TRIO: variants seen among roughly 807,000 people sequenced by gnomAD.
TRIO encodes the protein triple functional domain protein.
A neutral mutation model predicts 351.9 loss-of-function variants in TRIO; 58 were observed. The observed-to-expected ratio is 0.16, with a 90% confidence interval of 0.13 to 0.21. The LOEUF (loss-of-function observed/expected upper bound fraction) is 0.21. TRIO is among the 10% of genes least tolerant of loss of function. The pLI is 1.00. For missense variants in TRIO, 3,201 were observed against 4,027.8 expected (o/e 0.79, Z 5.56); for synonymous variants, 1,758 against 1,595.7 (o/e 1.10, Z -2.42).
chr5:14,420,309 G>T, intron 34 of TRIO: 1 of 374,916 alleles, frequency 2.7e-6, no homozygotes. Context: ...CATTCCAGTT[G>T]CTTCCTTCCT....
chr5:14,328,464 G>C (rs143493248), intron 9 of TRIO, among the ~76,000 whole-genome samples: 4 of 151,894 alleles, frequency 2.6e-5, no homozygotes, highest in African/African-American at 4.8e-5. Context: ...TGCTCAATAC[G>C]TGAGTTAAAA....
At chr5:14,329,708 T>A (rs144839431) in intron 9 of TRIO, among the ~76,000 whole-genome samples, 1 of 152,342 alleles carries the variant, frequency 6.6e-6, no homozygotes, top group African/African-American at 2.4e-5. Context: ...TTAAAATCTT[T>A]TAAAGTTTTT....
intron 3 of TRIO, among the ~76,000 whole-genome samples, chr5:14,281,454 C>T (rs2152277469): frequency 7.7e-6 from 1 of 130,696 alleles, no homozygotes; most frequent in East Asian, 2.6e-4. Flanking sequence ...GATCCAATTA[C>T]CACCCACCAG....
intron 56 of TRIO, 25 bp downstream of exon 56, chr5:14,507,285 A>C: frequency 1.9e-6 from 3 of 1,609,924 alleles, no homozygotes; most frequent in Non-Finnish European, 2.5e-6. Context: ...GGGCAGGTGA[A>C]GGGGGGTCTG....
intron 1 of TRIO, among the ~76,000 whole-genome samples, chr5:14,150,451 A>G (rs1787762606): frequency 6.6e-6 from 1 of 152,174 alleles, no homozygotes; most frequent in Admixed American, 6.5e-5. Flanking sequence ...GTTTAACTGT[A>G]TATGTTATTT....
In TRIO at chr5:14,498,144, C is replaced by A. The variant is rs779442534; in HGVS notation, c.8103C>A (p.Thr2701=). ...AGGTCACGTGTGAGACAGGGGAGAC[C>A]GTTGTTCTTAGATGTCGAGTCTGTG... ...LSEVTCETGE[T]VVLRCRVCGR... Residue 2701 remains threonine, a synonymous_variant, in exon 52 of 57, where the codon ACC becomes ACA. Transcript: ENST00000344204. The A allele has an allele frequency of 3.1e-6, 5 of 1,614,026 alleles. No individual in the cohort carries two copies. The East Asian group carries it at 8.9e-5, about 29-fold the overall frequency.
chr5:14,227,272 C>T (rs529241229), intron 1 of TRIO, among the ~76,000 whole-genome samples: 1 of 152,272 alleles, frequency 6.6e-6, no homozygotes, highest in East Asian at 1.9e-4. Flanking sequence ...AAGGCCACCA[C>T]TTGGAAGGTT....
chr5:14,416,852 A>G (rs779956362), intron 33 of TRIO, among the ~76,000 whole-genome samples: 26 of 151,774 alleles, frequency 1.7e-4, no homozygotes, highest in African/African-American at 6.0e-4. Flanking sequence ...TGCACTTCCC[A>G]GCGTCTGGGA....
intron 27 of TRIO, among the ~76,000 whole-genome samples, chr5:14,392,842 C>A (rs369560447): frequency 6.6e-6 from 1 of 152,092 alleles, no homozygotes; most frequent in South Asian, 2.1e-4. Context: ...GTCAGGAGAT[C>A]GACACCATCC....
chr5:14,314,130 C>T (rs1390577963), intron 8 of TRIO, among the ~76,000 whole-genome samples: 3 of 152,196 alleles, frequency 2.0e-5, no homozygotes, highest in Non-Finnish European at 2.9e-5. Flanking sequence ...TGACTTGGAG[C>T]AGTAGCTCTC....
chr5:14,322,398 G>A (rs1739967963), intron 9 of TRIO, among the ~76,000 whole-genome samples: 2 of 152,216 alleles, frequency 1.3e-5, no homozygotes, highest in South Asian at 2.1e-4. Context: ...AATTTTGGAA[G>A]TGTGAGATCT....
chr5:14,199,939 C>T (rs1001386199), intron 1 of TRIO, among the ~76,000 whole-genome samples: 1 of 152,188 alleles, frequency 6.6e-6, no homozygotes, highest in African/African-American at 2.4e-5. Flanking sequence ...AGAACATAGA[C>T]AGCATTCTCT....
At chr5:14,458,851 G>T (rs908854073) in intron 34 of TRIO, among the ~76,000 whole-genome samples, 3 of 152,120 alleles carry the variant, frequency 2.0e-5, no homozygotes, top group African/African-American at 7.2e-5. Context: ...AAAGTCCCTG[G>T]GAATGGATTT....
intron 3 of TRIO, among the ~76,000 whole-genome samples, chr5:14,285,727 C>G (rs945414772): frequency 6.6e-6 from 1 of 152,038 alleles, no homozygotes; most frequent in African/African-American, 2.4e-5. Context: ...TCTTTTCTAC[C>G]CTAAGGTACA....
At chr5:14,257,483 A>G (rs1441720995) in intron 1 of TRIO, among the ~76,000 whole-genome samples, 1 of 151,414 alleles carries the variant, frequency 6.6e-6, no homozygotes, top group Non-Finnish European at 1.5e-5. Context: ...ATGTGTTTCC[A>G]TTTCTGGTTG....
chr5:14,375,673 A>G (rs1023891000), intron 19 of TRIO, among the ~76,000 whole-genome samples: 2 of 152,092 alleles, frequency 1.3e-5, no homozygotes, highest in African/African-American at 4.8e-5. Flanking sequence ...CCACGTGGTC[A>G]GAGGACCCCC....
intron 56 of TRIO, 44 bp downstream of exon 56, chr5:14,507,304 G>A (rs370004871): frequency 6.9e-6 from 11 of 1,604,234 alleles, no homozygotes; most frequent in Middle Eastern, 2.3e-4. Context: ...TGAGCACACC[G>A]GCTTGGCCAT....
intron 9 of TRIO, among the ~76,000 whole-genome samples, chr5:14,320,676 A>G (rs190780399): frequency 8.4e-4 from 128 of 152,250 alleles, no homozygotes; most frequent in Non-Finnish European, 1.5e-3. Context: ...CTCTTTCCAA[A>G]ATACCTTAAT....
rs1400708238 is a variant in TRIO at position 14,290,815 on chromosome 5, A to C, written c.640A>C (p.Ile214Leu). 6.2e-7 allele frequency: 1 copy of C among 1,614,116 alleles called. No individual in the cohort carries two copies. The highest frequency in any genetic ancestry group is 2.2e-5 in the East Asian group (1 of 44,878). Residue 214 changes from isoleucine (I) to leucine (L), a missense_variant, in exon 5 of 57, where the codon ATT (isoleucine) becomes CTT (leucine). By Grantham distance (5) the Ile-to-Leu change is conservative (BLOSUM62 2). Transcript: ENST00000344204. ...GCLEYNHEEW[I>L]EIRVAFEDYI... Reference sequence around the variant, plus strand: ...CCTGGAATACAACCACGAAGAATGGATTGAAATCAGAGTTGCTTTTGAAGA... The same window carrying C: ...CCTGGAATACAACCACGAAGAATGGCTTGAAATCAGAGTTGCTTTTGAAGA...
Sources: allele counts gnomAD v4.1 joint callset (sites outside exome capture counted in the v4.1 genomes callset), GRCh38; gene constraint gnomAD v4.1.1; transcripts MANE v1.5; gene names NCBI Gene and HGNC (gene_info 2026-07-23, HGNC 2026-07-21).